Variants in NHSL3 observed in about 807,000 individuals in gnomAD.
The protein encoded by NHSL3 is NHS like 3.
the NHSL3 span, among the ~76,000 whole-genome samples, chr1:32,766,905 G>A: frequency 1.3e-5 from 2 of 152,164 alleles, no homozygotes; most frequent in African/African-American, 2.4e-5. Flanking sequence ...AGGGGCCAGG[G>A]CCAGGGCCAG....
the NHSL3 span, chr1:32,765,950 G>T: frequency 3.2e-6 from 3 of 924,454 alleles, no homozygotes; most frequent in Non-Finnish European, 5.0e-6. Flanking sequence ...GGCTGATAAT[G>T]AGGCCAGAAT....
the NHSL3 span, among the ~76,000 whole-genome samples, chr1:32,759,291 C>T: frequency 6.6e-6 from 1 of 152,202 alleles, no homozygotes; most frequent in African/African-American, 2.4e-5. Flanking sequence ...GGAATCCAGA[C>T]CTCCTGATTC....
the NHSL3 span, chr1:32,765,874 C>T: frequency 1.9e-5 from 28 of 1,491,296 alleles, no homozygotes; most frequent in African/African-American, 2.6e-4. Flanking sequence ...TCGATGCCTC[C>T]CTTTCCCAGA....
chr1:32,755,682 T>C, the NHSL3 span, among the ~76,000 whole-genome samples: 1 of 152,162 alleles, frequency 6.6e-6, no homozygotes, highest in Admixed American at 6.5e-5. Flanking sequence ...CATTTGCCTG[T>C]GGTGGTTTGA....
At chr1:32,750,389 T>A in the NHSL3 span, among the ~76,000 whole-genome samples, 1 of 152,202 alleles carries the variant, frequency 6.6e-6, no homozygotes, top group Non-Finnish European at 1.5e-5. Context: ...ACCCTGAATC[T>A]TGTAGCAAAG....
chr1:32,767,023 C>A, the NHSL3 span, among the ~76,000 whole-genome samples: 51 of 152,274 alleles, frequency 3.3e-4, no homozygotes, highest in Non-Finnish European at 6.5e-4. Context: ...CCTGCCCATC[C>A]TTCCACTAAG....
At chr1:32,772,074 C>G in the NHSL3 span, 5 of 1,612,746 alleles carry the variant, frequency 3.1e-6, no homozygotes, top group South Asian at 4.4e-5. Flanking sequence ...CTCCCCAGTC[C>G]CCTGCCTCAA....
At chr1:32,749,062 AG>A in the NHSL3 span, among the ~76,000 whole-genome samples, 1 of 152,140 alleles carries the variant, frequency 6.6e-6, no homozygotes, top group Non-Finnish European at 1.5e-5. Context: ...GTGTGTGTAT[AG>A]GGGGGAAAAT....
the NHSL3 span, among the ~76,000 whole-genome samples, chr1:32,756,470 ACC>A: frequency 3.1e-3 from 155 of 50,532 alleles, 11 homozygotes; most frequent in Admixed American, 3.7e-3. Context: ...ACATGACGAG[ACC>A]CCCCCCCCCC....
chr1:32,763,222 G>A, the NHSL3 span, among the ~76,000 whole-genome samples: 2 of 151,934 alleles, frequency 1.3e-5, no homozygotes, highest in Non-Finnish European at 2.9e-5. Context: ...GACCTCAAGT[G>A]ATCCACCTGC....
chr1:32,742,264 G>A, the NHSL3 span: 1 of 1,216,252 alleles, frequency 8.2e-7, no homozygotes, highest in East Asian at 3.2e-5. Flanking sequence ...CCGGGGGTCC[G>A]CGCGCGGCGT....
chr1:32,755,880 A>C, the NHSL3 span, among the ~76,000 whole-genome samples: 1 of 152,162 alleles, frequency 6.6e-6, no homozygotes, highest in Non-Finnish European at 1.5e-5. Context: ...CTAAGGGGGC[A>C]GGGCTGGGGC....
At chr1:32,753,003 C>G in the NHSL3 span, among the ~76,000 whole-genome samples, 1 of 146,262 alleles carries the variant, frequency 6.8e-6, no homozygotes, top group Non-Finnish European at 1.5e-5. Flanking sequence ...GAGTCTTGCT[C>G]TGTCACCCAG....
At chr1:32,755,536 G>C in the NHSL3 span, among the ~76,000 whole-genome samples, 12 of 152,214 alleles carry the variant, frequency 7.9e-5, no homozygotes, top group African/African-American at 2.9e-4. Context: ...CACTTGTCTG[G>C]ACCACTCTGG....
the NHSL3 span, chr1:32,771,935 G>A: frequency 5.6e-6 from 9 of 1,600,578 alleles, no homozygotes; most frequent in Admixed American, 1.7e-5. Flanking sequence ...CTGTCAGGGC[G>A]GGCCAGCCCA....
chr1:32,743,046 C>T, the NHSL3 span, among the ~76,000 whole-genome samples: 1 of 152,252 alleles, frequency 6.6e-6, no homozygotes, highest in South Asian at 2.1e-4. Context: ...TGGCCCATCC[C>T]TGCTGGGGTC....
the NHSL3 span, among the ~76,000 whole-genome samples, chr1:32,760,108 T>G: frequency 2.0e-5 from 3 of 152,214 alleles, no homozygotes; most frequent in East Asian, 5.8e-4. Context: ...AGTGAGGGGT[T>G]GAGGCTAAGG....
At chr1:32,771,584 C>T in the NHSL3 span, 1 of 1,612,998 alleles carries the variant, frequency 6.2e-7, no homozygotes, top group Non-Finnish European at 8.5e-7. Context: ...AGCCCTGAGC[C>T]TGCAGGCCCT....
the NHSL3 span, chr1:32,765,766 A>C: frequency 7.8e-6 from 12 of 1,547,394 alleles, no homozygotes; most frequent in East Asian, 2.9e-4. Context: ...TGGCGCCCGC[A>C]GTCATGGTGG....
Sources: allele counts gnomAD v4.1 joint callset (sites outside exome capture counted in the v4.1 genomes callset), GRCh38; gene constraint gnomAD v4.1.1; transcripts MANE v1.5; gene names NCBI Gene and HGNC (gene_info 2026-07-23, HGNC 2026-07-21).